The following MYOF variants were observed in gnomAD, a reference collection of about 807,000 sequenced individuals.
The protein encoded by MYOF is myoferlin, also known as fer-1-like 3, myoferlin.
MYOF carries 244 observed loss-of-function variants against 284.2 expected under a neutral mutation model. That is an observed-to-expected ratio of 0.86 (90% CI 0.77 to 0.95). The LOEUF is 0.95. MYOF is among the 40% of genes least tolerant of loss of function. MYOF has a pLI of 0.00. For missense variants in MYOF, 2,496 were observed against 2,560.6 expected (o/e 0.97, Z 0.54); for synonymous variants, 904 against 919.7 (o/e 0.98, Z 0.31).
intron 1 of MYOF, among the ~76,000 whole-genome samples, chr10:93,470,541 A>G (rs776917763): frequency 6.6e-6 from 1 of 151,976 alleles, no homozygotes; most frequent in Non-Finnish European, 1.5e-5. Flanking sequence ...GCTTGGGACT[A>G]CAGGTGCCCA....
intron 2 of MYOF, 84 bp from the exon 3 acceptor site, chr10:93,452,225 C>T (rs2056613012): frequency 1.2e-6 from 1 of 811,722 alleles, no homozygotes; most frequent in Admixed American, 2.4e-5. Flanking sequence ...ACCAGTACTA[C>T]ATGTTGGGTC....
intron 27 of MYOF, among the ~76,000 whole-genome samples, chr10:93,363,211 T>G (rs1845158722): frequency 6.6e-6 from 1 of 152,248 alleles, no homozygotes; most frequent in Admixed American, 6.5e-5. Context: ...CAATTCTATT[T>G]AGGCAGGGAA....
At chr10:93,340,811 G>A (rs1843863817) in intron 38 of MYOF, among the ~76,000 whole-genome samples, 1 of 152,064 alleles carries the variant, frequency 6.6e-6, no homozygotes, top group African/African-American at 2.4e-5. Flanking sequence ...TCCAGGAGAT[G>A]AGAGAATGAA....
chr10:93,397,568 C>A (rs922435289), intron 13 of MYOF, 112 bp from the exon 14 acceptor site: 17 of 619,808 alleles, frequency 2.7e-5, no homozygotes, highest in Non-Finnish European at 3.6e-5. Flanking sequence ...TACTTAGGAA[C>A]CTGGTTAAAC....
intron 35 of MYOF, 140 bp downstream of exon 35, chr10:93,351,057 C>T: frequency 1.1e-6 from 1 of 869,862 alleles, no homozygotes; most frequent in Non-Finnish European, 1.8e-6. Context: ...CCATGAATAC[C>T]TCCAGTTTTT....
Position 93,431,486 on chromosome 10 carries a change from C to T in MYOF, c.267G>A (p.Lys89=), listed in dbSNP as rs1480396368. ...ATCTGCTCTGGTCACCAGTCAGGTCCTTCAGGGCTACAGTCGCCGTGCCAA... is the reference window on the plus strand; with the variant it reads ...ATCTGCTCTGGTCACCAGTCAGGTCTTTCAGGGCTACAGTCGCCGTGCCAA... The part of the protein sequence containing the change: ...KLIGTATVAL[K]DLTGDQSRSL... The change falls in exon 4 of 54, where the codon AAG becomes AAA. Residue 89 remains lysine, a synonymous_variant. Transcript: ENST00000359263. 3 of 1,614,018 alleles carry T rather than the reference C, an allele frequency of 1.9e-6. No homozygotes were observed. Among genetic ancestry groups the T allele is most frequent in the Non-Finnish European group, 2.5e-6 (3 of 1,179,938 alleles).
rs2057397569 is a variant in MYOF at position 93,482,278 on chromosome 10, A to T, written c.-84T>A. On this transcript the variant is annotated 5_prime_UTR_variant, in exon 1 of 54. Coordinates refer to ENST00000359263, the MANE Select transcript of MYOF (RefSeq NM_013451.4). ...GCTCCGGGTCGCACCGCCCTGGGAG[A>T]GAAGTTCTCTCCCAGTGAAGGGAGG... 1 of 1,161,870 alleles carries T rather than the reference A, an allele frequency of 8.6e-7. No individual in the cohort carries two copies. The allele number at this position is 1,161,870 out of a possible 1,614,324, so 72.0% of individuals were successfully genotyped here.
At chr10:93,444,151 T>G (rs1169148642) in intron 3 of MYOF, among the ~76,000 whole-genome samples, 1 of 152,250 alleles carries the variant, frequency 6.6e-6, no homozygotes, top group African/African-American at 2.4e-5. Flanking sequence ...GATTCCACAC[T>G]GGTGGCCCAT....
intron 9 of MYOF, 74 bp from the exon 10 acceptor site, chr10:93,402,964 T>G: frequency 8.1e-7 from 1 of 1,238,882 alleles, no homozygotes; most frequent in Non-Finnish European, 1.2e-6. Context: ...AAGCCATCAT[T>G]ATATTTAAAT....
intron 29 of MYOF, 124 bp downstream of exon 29, chr10:93,359,709 C>G (rs1241188613): frequency 3.8e-6 from 5 of 1,308,174 alleles, no homozygotes; most frequent in Non-Finnish European, 5.3e-6. Context: ...CTTTGAGAAC[C>G]CTTGAGTGGA....
intron 5 of MYOF, among the ~76,000 whole-genome samples, chr10:93,410,111 A>G (rs1165036104): frequency 1.3e-5 from 2 of 152,184 alleles, no homozygotes; most frequent in Non-Finnish European, 2.9e-5. Context: ...TCTTGCAATG[A>G]CAAGCTTCAA....
chr10:93,439,086 TG>T (rs772427058), intron 3 of MYOF, among the ~76,000 whole-genome samples: 7 of 152,234 alleles, frequency 4.6e-5, no homozygotes, highest in Non-Finnish European at 1.0e-4. Flanking sequence ...CTGAAGGCTG[TG>T]GCAGGATTTG....
chr10:93,480,898 T>C (rs1460173947), intron 1 of MYOF, among the ~76,000 whole-genome samples: 1 of 152,164 alleles, frequency 6.6e-6, no homozygotes, highest in Admixed American at 6.6e-5. Context: ...CCTCAGGAAC[T>C]GACAGGGAGT....
intron 28 of MYOF, 106 bp downstream of exon 28, chr10:93,361,346 C>T: frequency 9.0e-7 from 1 of 1,109,134 alleles, no homozygotes; most frequent in Non-Finnish European, 1.3e-6. Flanking sequence ...GGGACTCCTG[C>T]CATAGACCAA....
intron 1 of MYOF, among the ~76,000 whole-genome samples, chr10:93,471,609 C>T (rs372122480): frequency 6.6e-6 from 1 of 152,164 alleles, no homozygotes; most frequent in East Asian, 1.9e-4. Context: ...GAAATGAAGG[C>T]GGGGCGTGGT....
In MYOF at chr10:93,310,669, C is replaced by T. The variant is rs371856862; in HGVS notation, c.5890-26G>A. On this transcript the variant is annotated intron_variant, in intron 51 of 53. Coordinates refer to ENST00000359263, the MANE Select transcript of MYOF (RefSeq NM_013451.4). ...CTTCAGTAAAGCAGAGCAGGTTAAA[C>T]ATATGACATCATGTTTCACAAATAT... 128 of 1,592,856 alleles carry T rather than the reference C, an allele frequency of 8.0e-5. No individual in the cohort carries two copies. In the Middle Eastern group the frequency reaches 8.3e-4, roughly 10 times the overall value.
At chr10:93,433,697 G>T (rs1462106517) in intron 3 of MYOF, among the ~76,000 whole-genome samples, 1 of 152,098 alleles carries the variant, frequency 6.6e-6, no homozygotes, top group Non-Finnish European at 1.5e-5. Context: ...TTCATCTTGT[G>T]GAAATGCATT....
intron 1 of MYOF, among the ~76,000 whole-genome samples, chr10:93,480,183 T>C (rs1247967791): frequency 6.6e-6 from 1 of 152,146 alleles, no homozygotes; most frequent in Non-Finnish European, 1.5e-5. Flanking sequence ...ACCTAACACA[T>C]GTAAATAAAC....
rs2057355697 is a variant in MYOF, at chr10:93,480,180, A to G, written c.88+1927T>C. ...AAACAAAAAATTAATAAAACCTAAC[A>G]CATGTAAATAAACTCTGACATAACG... On this transcript the variant is annotated intron_variant, in intron 1 of 53. Transcript: ENST00000359263. Among the ~76,000 whole-genome samples, 3 of 152,280 alleles carry G rather than the reference A, an allele frequency of 2.0e-5. No homozygotes were observed. The South Asian group carries it at 6.2e-4, about 32-fold the overall frequency.
Sources: allele counts gnomAD v4.1 joint callset (sites outside exome capture counted in the v4.1 genomes callset), GRCh38; gene constraint gnomAD v4.1.1; transcripts MANE v1.5; gene names NCBI Gene and HGNC (gene_info 2026-07-23, HGNC 2026-07-21).